The following NUDCD3 variants were observed in gnomAD, a reference collection of about 807,000 sequenced individuals.
NUDCD3 encodes NudC domain containing 3, also known as nudC domain-containing protein 3.
NUDCD3 carries 13 observed loss-of-function variants against 39.7 expected under a neutral mutation model. The observed-to-expected ratio is 0.33, with a 90% CI of 0.21 to 0.52. NUDCD3 has a LOEUF of 0.52. NUDCD3 is among the 20% of genes least tolerant of loss of function. NUDCD3 has a pLI of 0.96. For missense variants in NUDCD3, 453 were observed against 458.1 expected (o/e 0.99, Z 0.10); for synonymous variants, 175 against 172.4 (o/e 1.02, Z -0.12).
At chr7:44,456,769 A>T (rs943555282) in intron 2 of NUDCD3, among the ~76,000 whole-genome samples, 1 of 151,968 alleles carries the variant, frequency 6.6e-6, no homozygotes, top group South Asian at 2.1e-4. Flanking sequence ...AAAAAAAAAA[A>T]TTTACATCAA....
rs368536554 is a variant in NUDCD3 at position 44,485,198 on chromosome 7, C to T, written c.279G>A (p.Glu93=). ...ELEEKIRRKE[E]EEAKTVSAAA... is the part of the protein sequence containing the mutation. ...CAGCTGACACAGTCTTGGCCTCTTC[C>T]TCTTCCTTTCTTCTGATTTTCTCTT... The change falls in exon 2 of 6, where the codon GAG becomes GAA. Residue 93 remains glutamate (E), a synonymous_variant. Coordinates refer to ENST00000355451, the MANE Select transcript of NUDCD3 (RefSeq NM_015332.4). 160 of 1,614,198 alleles carry T rather than the reference C, an allele frequency of 9.9e-5. 1 individual carries two copies. In the African/African-American group the frequency reaches 1.9e-3, roughly 19 times the overall value.
At chr7:44,402,999 C>G (rs1003538078) in intron 4 of NUDCD3, 1 of 198,218 alleles carries the variant, frequency 5.0e-6, no homozygotes, top group African/African-American at 2.3e-5. Context: ...TCACAGGAGC[C>G]TATAGCTTGG....
intron 2 of NUDCD3, among the ~76,000 whole-genome samples, chr7:44,475,985 C>T (rs1390955678): frequency 6.6e-6 from 1 of 152,060 alleles, no homozygotes; most frequent in Non-Finnish European, 1.5e-5. Context: ...CTTGAGTGCA[C>T]ACTCTGTCAG....
intron 2 of NUDCD3, among the ~76,000 whole-genome samples, chr7:44,430,570 TCA>T (rs58853542): frequency 0.01 from 1,271 of 125,496 alleles, 13 homozygotes; most frequent in East Asian, 0.03. Context: ...ACACACACAC[TCA>T]CACACACACA....
At chr7:44,412,065 G>C (rs1798937511) in intron 3 of NUDCD3, among the ~76,000 whole-genome samples, 1 of 152,224 alleles carries the variant, frequency 6.6e-6, no homozygotes, top group South Asian at 2.1e-4. Context: ...TCACAGGCCA[G>C]AGGTCATCAC....
At chr7:44,404,633 G>A (rs1395435717) in intron 3 of NUDCD3, 50 bp from the exon 4 acceptor site, 1 of 1,598,348 alleles carries the variant, frequency 6.3e-7, no homozygotes, top group East Asian at 2.2e-5. Flanking sequence ...GTGACCACTG[G>A]TGTGCTGTAC....
chr7:44,403,514 C>G (rs571273003), intron 4 of NUDCD3, among the ~76,000 whole-genome samples: 125 of 152,308 alleles, frequency 8.2e-4, no homozygotes, highest in African/African-American at 2.9e-3. Context: ...TTCTGCAGCA[C>G]TGACAGAATA....
intron 2 of NUDCD3, among the ~76,000 whole-genome samples, chr7:44,467,031 G>A (rs1009204462): frequency 9.2e-5 from 14 of 152,268 alleles, no homozygotes; most frequent in Non-Finnish European, 1.5e-4. Context: ...GAGGGGCACT[G>A]ACTGGTTTCT....
At chr7:44,480,400 ATTTTC>A (rs1800463448) in intron 2 of NUDCD3, among the ~76,000 whole-genome samples, 1 of 152,118 alleles carries the variant, frequency 6.6e-6, no homozygotes, top group Non-Finnish European at 1.5e-5. Context: ...TACTACTACT[ATTTTC>A]TTCCAGCTTT....
At position 44,443,974 on chromosome 7, in the gene NUDCD3, T is replaced by C. The variant is rs148222175; in HGVS notation, c.510-16271A>G. On this transcript the variant is annotated intron_variant, in intron 2 of 5. Coordinates refer to ENST00000355451, the MANE Select transcript of NUDCD3 (RefSeq NM_015332.4). ...AACTGGAATTCAAGAGTATAGTCTA[T>C]GAAATTCTCATAAAAGTGAGATTCC... Among the ~76,000 whole-genome samples, 440 of 152,358 alleles carry C rather than the reference T, an allele frequency of 2.9e-3. 5 individuals are homozygous for C. Among genetic ancestry groups the C allele is most frequent in the African/African-American group, 9.6e-3 (401 of 41,584 alleles).
At chr7:44,441,814 C>A (rs1799590665) in intron 2 of NUDCD3, among the ~76,000 whole-genome samples, 1 of 152,096 alleles carries the variant, frequency 6.6e-6, no homozygotes, top group Admixed American at 6.5e-5. Context: ...CTCTGGTCAA[C>A]AGAGAAGGCC....
chr7:44,430,785 C>G (rs1028979034), intron 2 of NUDCD3, among the ~76,000 whole-genome samples: 1 of 152,200 alleles, frequency 6.6e-6, no homozygotes, highest in Non-Finnish European at 1.5e-5. Context: ...ACCAGTGATG[C>G]CCACATGGGT....
intron 2 of NUDCD3, among the ~76,000 whole-genome samples, chr7:44,471,091 C>T (rs1209350203): frequency 6.6e-6 from 1 of 152,154 alleles, no homozygotes; most frequent in Admixed American, 6.5e-5. Flanking sequence ...TGCATGGTGA[C>T]GACAAATGGT....
intron 2 of NUDCD3, among the ~76,000 whole-genome samples, chr7:44,484,227 A>C (rs1022741976): frequency 1.3e-5 from 2 of 152,202 alleles, no homozygotes; most frequent in Non-Finnish European, 2.9e-5. Context: ...ACTCCCACAC[A>C]AGAAGGGATC....
At chr7:44,435,611 A>G (rs890291720) in intron 2 of NUDCD3, among the ~76,000 whole-genome samples, 1 of 152,186 alleles carries the variant, frequency 6.6e-6, no homozygotes, top group African/African-American at 2.4e-5. Context: ...CCTAAATAAG[A>G]ATTCCAGATA....
At chr7:44,426,028 T>G (rs944210766) in intron 3 of NUDCD3, 1 of 616,712 alleles carries the variant, frequency 1.6e-6, no homozygotes, top group African/African-American at 2.0e-5. Flanking sequence ...TTATAGGACA[T>G]GGCTCCCTGC....
chr7:44,449,421 C>T (rs1799749965), intron 2 of NUDCD3, among the ~76,000 whole-genome samples: 1 of 152,164 alleles, frequency 6.6e-6, no homozygotes, highest in African/African-American at 2.4e-5. Context: ...AGGCAGAAAT[C>T]AAACTGCTGA....
intron 2 of NUDCD3, among the ~76,000 whole-genome samples, chr7:44,445,548 C>A (rs1272075780): frequency 2.6e-5 from 4 of 152,174 alleles, no homozygotes; most frequent in Non-Finnish European, 5.9e-5. Context: ...CTCACAAGGT[C>A]TCTGCAGGTT....
intron 3 of NUDCD3, among the ~76,000 whole-genome samples, chr7:44,426,787 C>G (rs1799244643): frequency 6.9e-6 from 1 of 145,496 alleles, no homozygotes. Flanking sequence ...CAGAGCGAGA[C>G]TCCGTCTCAA....
Sources: gnomAD v4.1 joint callset for allele counts (sites outside exome capture counted in the v4.1 genomes callset) on GRCh38, gnomAD v4.1.1 for gene constraint, MANE v1.5 for transcripts, NCBI Gene and HGNC (gene_info 2026-07-23, HGNC 2026-07-21) for gene names.